VAPB: variants seen among roughly 807,000 people sequenced by gnomAD.
VAPB encodes vesicle-associated membrane protein-associated protein B/C.
In VAPB, 7 loss-of-function variants were observed where a neutral mutation model predicts 25.6. The ratio of observed to expected loss-of-function variants is 0.27; its 90% CI spans 0.16 to 0.51. The LOEUF (loss-of-function observed/expected upper bound fraction) is 0.51. VAPB is among the 20% of genes least tolerant of loss of function. The probability of loss-of-function intolerance (pLI) is 0.97; values close to 1 mark genes in which losing one functional copy is unlikely to be tolerated. For missense variants in VAPB, 266 were observed against 301.3 expected (o/e 0.88, Z 0.87); for synonymous variants, 112 against 109.2 (o/e 1.03, Z -0.16).
rs995964518 is a variant in VAPB at position 58,449,935 on chromosome 20, T to C, written c.*5700T>C. On this transcript the variant is annotated 3_prime_UTR_variant, in exon 6 of 6. Coordinates refer to ENST00000475243, the MANE Select transcript of VAPB (RefSeq NM_004738.5). ...TCTGACTGAAATAAAACAGGTTCCCTTTTTTTTTCCCTTTGGAAAATGCCA... is the reference window on the plus strand; with the variant it reads ...TCTGACTGAAATAAAACAGGTTCCCCTTTTTTTTCCCTTTGGAAAATGCCA... The C allele has an allele frequency of 8.8e-6, 4 of 453,228 alleles. No homozygotes were observed. Among genetic ancestry groups the C allele is most frequent in the South Asian group, 3.1e-5 (2 of 64,404 alleles). 28.1% of individuals were successfully genotyped at this position (453,228 alleles called of 1,614,324 possible). A position where few individuals can be genotyped will look rare whatever the true frequency, so the allele number is the denominator to read the frequency against.
At chr20:58,408,534 G>A (rs1291121680) in intron 1 of VAPB, among the ~76,000 whole-genome samples, 1 of 152,026 alleles carries the variant, frequency 6.6e-6, no homozygotes, top group African/African-American at 2.4e-5. Context: ...CTTCTCCAGT[G>A]TCCTTATTCT....
At chr20:58,404,251 A>G (rs1309184796) in intron 1 of VAPB, among the ~76,000 whole-genome samples, 1 of 152,154 alleles carries the variant, frequency 6.6e-6, no homozygotes, top group Non-Finnish European at 1.5e-5. Context: ...GCCAGCAGCA[A>G]AACTCTTCAG....
intron 5 of VAPB, 66 bp downstream of exon 5, chr20:58,441,149 A>G: frequency 1.3e-6 from 2 of 1,541,630 alleles, no homozygotes; most frequent in East Asian, 4.7e-5. Context: ...TTGGGTGGGG[A>G]AGTTGATGAG....
chr20:58,450,639 C>T lies in VAPB; in HGVS notation c.*6404C>T, dbSNP rs774485714. 1.9e-4 allele frequency: 86 copies of T among 453,994 alleles called. No individual in the cohort carries two copies. Among genetic ancestry groups the T allele is most frequent in the Non-Finnish European group, 3.3e-4 (74 of 226,806 alleles). The allele number at this position is 453,994 out of a possible 1,614,324, so 28.1% of individuals were successfully genotyped here. On this transcript the variant is annotated 3_prime_UTR_variant, in exon 6 of 6. Coordinates refer to ENST00000475243, the MANE Select transcript of VAPB (RefSeq NM_004738.5). ...TGGTTTCAGTAACCCATGCTGTTCT[C>T]TCCCTATTCTACGTCTTTCTCCCTA...
chr20:58,394,784 A>T (rs77215674), intron 1 of VAPB, among the ~76,000 whole-genome samples: 1 of 152,336 alleles, frequency 6.6e-6, no homozygotes, highest in African/African-American at 2.4e-5. Flanking sequence ...ATGTTTGTAA[A>T]GCAATGATGT....
chr20:58,389,305 C>A lies in VAPB; in HGVS notation c.-155C>A, dbSNP rs764261897. On this transcript the variant is annotated 5_prime_UTR_variant, in exon 1 of 6. Transcript: ENST00000475243. ...TGCGCCTGCACCGCGTAGACCGACC[C>A]CCCCCCAGCGCGCCCACCCGGTAGA... The A allele has an allele frequency of 4.4e-6, 3 of 681,598 alleles. 1 individual carries two copies. Among genetic ancestry groups the A allele is most frequent in the South Asian group, 1.5e-5 (1 of 66,288 alleles). 42.2% of individuals were successfully genotyped at this position (681,598 alleles called of 1,614,324 possible).
At chr20:58,431,500 G>C (rs1988925326) in intron 2 of VAPB, 2 of 151,946 alleles carry the variant, frequency 1.3e-5, no homozygotes, top group Non-Finnish European at 2.9e-5. Flanking sequence ...TGTTTAATAC[G>C]CTGGCCATGG....
rs1258564220 is a variant in VAPB, at chr20:58,451,030, C to T, written c.*6795C>T. 2.2e-6 allele frequency: 1 copy of T among 448,966 alleles called. No homozygotes were observed. Among genetic ancestry groups the T allele is most frequent in the African/African-American group, 2.0e-5 (1 of 49,744 alleles). The allele number at this position is 448,966 out of a possible 1,614,324, so 27.8% of individuals were successfully genotyped here. A position where few individuals can be genotyped will look rare whatever the true frequency, so the allele number is the denominator to read the frequency against. ...ATCAGCCTGATGAAACCTGCCCTGC[C>T]AAGGCATAAACTTTTGTACTAGCTG... On this transcript the variant is annotated 3_prime_UTR_variant, in exon 6 of 6. Coordinates refer to ENST00000475243, the MANE Select transcript of VAPB (RefSeq NM_004738.5).
intron 2 of VAPB, among the ~76,000 whole-genome samples, chr20:58,418,969 A>G (rs967203617): frequency 6.6e-6 from 1 of 152,218 alleles, no homozygotes; most frequent in African/African-American, 2.4e-5. Flanking sequence ...CTTTTGAAAA[A>G]TACTGGTAAA....
chr20:58,430,666 C>T (rs115712406), intron 2 of VAPB, among the ~76,000 whole-genome samples: 1,821 of 152,144 alleles, frequency 0.012, 46 homozygotes, highest in African/African-American at 0.041. Flanking sequence ...ATCTCCACCT[C>T]GCAGGTTTAA....
intron 5 of VAPB, among the ~76,000 whole-genome samples, chr20:58,442,546 T>A (rs1469841815): frequency 6.6e-6 from 1 of 152,186 alleles, no homozygotes; most frequent in Admixed American, 6.5e-5. Context: ...ATCCTTAAAA[T>A]ATGATCAGAC....
intron 1 of VAPB, among the ~76,000 whole-genome samples, chr20:58,416,761 A>ATTTTTT (rs377235371): frequency 6.8e-6 from 1 of 147,926 alleles, no homozygotes; most frequent in Non-Finnish European, 1.5e-5. Context: ...TATCAGATTG[A>ATTTTTT]TTTTTTTTTT....
chr20:58,399,728 A>AG (rs1434714420), intron 1 of VAPB, among the ~76,000 whole-genome samples: 1 of 152,006 alleles, frequency 6.6e-6, no homozygotes, highest in East Asian at 1.9e-4. Flanking sequence ...AAAAAAAAAA[A>AG]AAAATCCTTC....
At chr20:58,395,804 T>C (rs1987945485) in intron 1 of VAPB, among the ~76,000 whole-genome samples, 1 of 152,206 alleles carries the variant, frequency 6.6e-6, no homozygotes, top group Non-Finnish European at 1.5e-5. Context: ...TTTGAAGTTC[T>C]TACCTGACAG....
At chr20:58,423,736 A>G (rs559090675) in intron 2 of VAPB, among the ~76,000 whole-genome samples, 4 of 152,320 alleles carry the variant, frequency 2.6e-5, no homozygotes, top group African/African-American at 4.8e-5. Context: ...TAACAGCAAC[A>G]TTCTTCTTTG....
intron 1 of VAPB, among the ~76,000 whole-genome samples, chr20:58,411,661 C>CATTTT (rs534774180): frequency 2.6e-3 from 400 of 152,170 alleles, no homozygotes; most frequent in African/African-American, 9.0e-3. Context: ...TTAGGTTGTT[C>CATTTT]ATTTTATTTT....
intron 1 of VAPB, among the ~76,000 whole-genome samples, chr20:58,403,224 CAG>C (rs1212668165): frequency 1.3e-5 from 2 of 152,202 alleles, no homozygotes; most frequent in African/African-American, 2.4e-5. Flanking sequence ...TCTTCTATTT[CAG>C]AGAGTCAGGA....
chr20:58,409,450 A>AC (rs1221437417), intron 1 of VAPB, among the ~76,000 whole-genome samples: 1 of 152,080 alleles, frequency 6.6e-6, no homozygotes, highest in Non-Finnish European at 1.5e-5. Context: ...CTGTATTGAA[A>AC]CCTCAAGCAC....
At position 58,451,045 on chromosome 20, in the gene VAPB, TG is replaced by T. The variant is rs1441657137; in HGVS notation, c.*6811del. 1 of 442,840 alleles carries T rather than the reference TG, an allele frequency of 2.3e-6. No homozygotes were observed. Among genetic ancestry groups the T allele is most frequent in the Non-Finnish European group, 4.5e-6 (1 of 221,086 alleles). 27.4% of individuals were successfully genotyped at this position (442,840 alleles called of 1,614,324 possible). ...CCTGCCCTGCCAAGGCATAAACTTT[TG>T]TACTAGCTGTCTCCATATTATGTTC... On this transcript the variant is annotated 3_prime_UTR_variant, in exon 6 of 6. Coordinates refer to ENST00000475243, the MANE Select transcript of VAPB (RefSeq NM_004738.5).
Sources: gnomAD v4.1 joint callset for allele counts (sites outside exome capture counted in the v4.1 genomes callset) on GRCh38, gnomAD v4.1.1 for gene constraint, MANE v1.5 for transcripts, NCBI Gene and HGNC (gene_info 2026-07-23, HGNC 2026-07-21) for gene names.